Variants in COL4A5 observed in about 807,000 individuals in gnomAD.
COL4A5 encodes collagen alpha-5(IV) chain.
COL4A5 carries 26 observed loss-of-function variants against 130.2 expected under a neutral mutation model. The ratio of observed to expected loss-of-function variants is 0.20; its 90% CI spans 0.15 to 0.28. COL4A5 has a LOEUF of 0.28. COL4A5 is among the 10% of genes least tolerant of loss of function. The pLI is 1.00. For synonymous variants in COL4A5, 496 were observed against 439.6 expected (o/e 1.13, Z -1.60); for missense variants, 1,131 against 1,344.3 (o/e 0.84, Z 2.48).
At chrX:108,542,570 A>G (rs1263844932) in intron 2 of COL4A5, among the ~76,000 whole-genome samples, 1 of 110,126 alleles carries the variant, frequency 9.1e-6, no homozygotes, top group African/African-American at 3.4e-5. Context: ...ATAAATATAC[A>G]TGTGCATGTG....
chrX:108,562,071 A>C (rs1356262530), intron 3 of COL4A5, among the ~76,000 whole-genome samples: 1 of 112,065 alleles, frequency 8.9e-6, no homozygotes, highest in East Asian at 2.8e-4. Context: ...AGATATCTGA[A>C]AGAGTCAAGT....
chrX:108,504,992 C>T (rs1451283184), intron 1 of COL4A5, among the ~76,000 whole-genome samples: 1 of 111,750 alleles, frequency 8.9e-6, no homozygotes, highest in Non-Finnish European at 1.9e-5. Context: ...AAGTGCCCAT[C>T]AACCAAGGAG....
chrX:108,478,510 C>T (rs1281355168), intron 1 of COL4A5, among the ~76,000 whole-genome samples: 1 of 111,722 alleles, frequency 9.0e-6, no homozygotes, highest in Non-Finnish European at 1.9e-5. Flanking sequence ...AGATCACACA[C>T]AGCCTTCTGG....
intron 44 of COL4A5, 125 bp downstream of exon 44, chrX:108,677,758 C>A: frequency 1.1e-6 from 1 of 875,258 alleles, no homozygotes; most frequent in Non-Finnish European, 1.6e-6. Flanking sequence ...GGCTCACTGG[C>A]GAATTAAAAA....
intron 1 of COL4A5, among the ~76,000 whole-genome samples, chrX:108,440,656 G>A (rs766570913): frequency 8.9e-6 from 1 of 111,847 alleles, no homozygotes; most frequent in East Asian, 2.8e-4. Context: ...TTCCATCAAA[G>A]TGTTTTTAGC....
chrX:108,545,980 A>T (rs979124133), intron 2 of COL4A5, among the ~76,000 whole-genome samples: 2 of 110,940 alleles, frequency 1.8e-5, no homozygotes, highest in Middle Eastern at 4.3e-3. Flanking sequence ...CCTCCATCCC[A>T]TTATTTTGAG....
chrX:108,673,167 A>G (rs764329471), intron 42 of COL4A5, among the ~76,000 whole-genome samples: 2 of 112,154 alleles, frequency 1.8e-5, no homozygotes, highest in East Asian at 2.8e-4. Context: ...ACATTAGGCC[A>G]GTATTTTACA....
At chrX:108,549,880 T>G (rs2065724541) in intron 2 of COL4A5, among the ~76,000 whole-genome samples, 3 of 111,817 alleles carry the variant, frequency 2.7e-5, no homozygotes, top group Non-Finnish European at 5.7e-5. Flanking sequence ...GGGACTATCA[T>G]AAATCACTTT....
chrX:108,457,396 C>T (rs998034506), intron 1 of COL4A5, among the ~76,000 whole-genome samples: 2 of 110,858 alleles, frequency 1.8e-5, no homozygotes, highest in Non-Finnish European at 3.8e-5. Context: ...TTAATCATAC[C>T]GTAAGAAAAA....
At chrX:108,562,396 A>T (rs1271305430) in intron 3 of COL4A5, among the ~76,000 whole-genome samples, 1 of 111,945 alleles carries the variant, frequency 8.9e-6, no homozygotes, top group African/African-American at 3.2e-5. Context: ...TTGCTGAGAG[A>T]TGGTAGTTTT....
rs1321195207 is a variant in COL4A5, at chrX:108,666,520, C to G, written c.3479C>G (p.Pro1160Arg). ...PVGGGGHPGQ[P>R]GPPGEKGKPG... is the part of the protein sequence containing the mutation. ...GGTGGTGGAGGTCATCCTGGGCAAC[C>G]AGGGCCTCCAGGCGAAAAAGGCAAA... The change falls in exon 39 of 53, where the codon CCA (proline) becomes CGA (arginine). Residue 1160 changes from proline to arginine, a missense_variant. Pro to Arg is a moderately radical substitution (Grantham distance 103). Coordinates refer to ENST00000328300, the MANE Select transcript of COL4A5 (RefSeq NM_033380.3). 4 of 1,205,710 alleles carry G rather than the reference C, an allele frequency of 3.3e-6. No homozygotes were observed. The highest frequency in any genetic ancestry group is 4.5e-6 in the Non-Finnish European group (4 of 892,900).
chrX:108,656,039 T>C (rs926428212), intron 37 of COL4A5, among the ~76,000 whole-genome samples: 1 of 112,311 alleles, frequency 8.9e-6, no homozygotes, highest in Non-Finnish European at 1.9e-5. Context: ...AAGTGAAGCA[T>C]ACATGTAGTA....
intron 17 of COL4A5, among the ~76,000 whole-genome samples, 189 bp from the exon 18 acceptor site, chrX:108,584,295 A>C (rs2066298161): frequency 9.0e-6 from 1 of 110,878 alleles, no homozygotes; most frequent in South Asian, 3.8e-4. Context: ...TTACATAGCT[A>C]GTAAATCTGA....
At chrX:108,603,099 A>T in intron 28 of COL4A5, 38 bp downstream of exon 28, 1 of 895,283 alleles carries the variant, frequency 1.1e-6, no homozygotes, top group Non-Finnish European at 1.6e-6. Flanking sequence ...TCATTTTCTT[A>T]TCTTTCCCAC....
At chrX:108,611,333 T>TTTAG (rs2066831329) in intron 29 of COL4A5, among the ~76,000 whole-genome samples, 3 of 111,166 alleles carry the variant, frequency 2.7e-5, no homozygotes, top group Non-Finnish European at 5.7e-5. Flanking sequence ...CAGGGCCTTA[T>TTTAG]CTAAGGTACC....
intron 1 of COL4A5, among the ~76,000 whole-genome samples, chrX:108,500,891 G>T (rs2065074033): frequency 9.0e-6 from 1 of 111,202 alleles, no homozygotes; most frequent in African/African-American, 3.3e-5. Flanking sequence ...GGATGAGTAT[G>T]GCAGGAGGAG....
intron 37 of COL4A5, 105 bp from the exon 38 acceptor site, chrX:108,665,402 G>T: frequency 1.8e-6 from 1 of 544,006 alleles, no homozygotes; most frequent in Non-Finnish European, 3.1e-6. Flanking sequence ...GTTTCTTTTT[G>T]TTCTTCACTG....
intron 1 of COL4A5, among the ~76,000 whole-genome samples, chrX:108,458,446 A>G (rs2064605538): frequency 8.9e-6 from 1 of 111,793 alleles, no homozygotes; most frequent in Admixed American, 9.5e-5. Context: ...TAAGGTCTGA[A>G]ATCAGGTAAT....
intron 1 of COL4A5, among the ~76,000 whole-genome samples, chrX:108,495,372 A>G (rs1052065597): frequency 2.7e-5 from 3 of 112,080 alleles, no homozygotes; most frequent in African/African-American, 9.7e-5. Context: ...TTATTCTGTG[A>G]AAGTCCTTGT....
Sources: allele counts gnomAD v4.1 joint callset (sites outside exome capture counted in the v4.1 genomes callset), GRCh38; gene constraint gnomAD v4.1.1; transcripts MANE v1.5; gene names NCBI Gene and HGNC (gene_info 2026-07-23, HGNC 2026-07-21).